The following RANBP2 variants were observed in gnomAD, a reference collection of about 807,000 sequenced individuals.
RANBP2 encodes RAN binding protein 2, also known as E3 SUMO-protein ligase RanBP2.
RANBP2 carries 57 observed loss-of-function variants against 303.6 expected under a neutral mutation model. The ratio of observed to expected loss-of-function variants is 0.19; its 90% confidence interval spans 0.15 to 0.23. RANBP2 has a LOEUF of 0.23. RANBP2 is among the 10% of genes least tolerant of loss of function. The probability of loss-of-function intolerance (pLI) is 1.00; values close to 1 mark genes in which losing one functional copy is unlikely to be tolerated. For missense variants in RANBP2, 3,138 were observed against 3,780.8 expected, an observed-to-expected ratio of 0.83 and a Z score of 4.46; for synonymous variants, 1,167 against 1,301.5, an observed-to-expected ratio of 0.90 and a Z score of 2.23.
chr2:109,388,039 A>G, the RANBP2 span, among the ~76,000 whole-genome samples: 4 of 152,148 alleles, frequency 2.6e-5, no homozygotes, highest in African/African-American at 9.7e-5. Context: ...ACTCCTGTTC[A>G]GCCCTCACAG....
chr2:109,100,383 C>T, the RANBP2 span, among the ~76,000 whole-genome samples: 1 of 152,278 alleles, frequency 6.6e-6, no homozygotes. Context: ...TATAAGAATC[C>T]AATGCCTGAT....
At chr2:109,228,549 A>C in the RANBP2 span, among the ~76,000 whole-genome samples, 2 of 152,070 alleles carry the variant, frequency 1.3e-5, no homozygotes, top group Non-Finnish European at 2.9e-5. Flanking sequence ...GCTAGTATGG[A>C]CCCTGCAGGT....
the RANBP2 span, chr2:109,613,745 C>A: frequency 8.6e-7 from 1 of 1,163,206 alleles, no homozygotes; most frequent in Non-Finnish European, 1.1e-6. Flanking sequence ...GGCGGGAAGT[C>A]CCGCGGGGGC....
At chr2:108,891,351 A>G in the RANBP2 span, among the ~76,000 whole-genome samples, 2 of 152,176 alleles carry the variant, frequency 1.3e-5, no homozygotes, top group Non-Finnish European at 1.5e-5. Context: ...AGATATATCT[A>G]TGGTTTTGGT....
At chr2:109,575,413 GGCAC>G in the RANBP2 span, among the ~76,000 whole-genome samples, 1 of 152,198 alleles carries the variant, frequency 6.6e-6, no homozygotes, top group Admixed American at 6.5e-5. Context: ...TAGTAATGGT[GGCAC>G]GTTTTTATTT....
Position 108,784,050 on chromosome 2 carries a change from T to A in RANBP2, c.*149T>A. 1 of 713,258 alleles carries A rather than the reference T, an allele frequency of 1.4e-6. No individual in the cohort carries two copies. The highest frequency in any genetic ancestry group is 2.3e-6 in the Non-Finnish European group (1 of 437,918). 44.2% of individuals were successfully genotyped at this position (713,258 alleles called of 1,614,324 possible). On this transcript the variant is annotated 3_prime_UTR_variant, in exon 29 of 29. Transcript: ENST00000283195. ...GCAGCTTATAGCTGTTGTCACTTTTTAATGTGTTATAATTGACCTTGCATG... is the reference window on the plus strand; with the variant it reads ...GCAGCTTATAGCTGTTGTCACTTTTAAATGTGTTATAATTGACCTTGCATG...
At chr2:109,431,450 C>G in the RANBP2 span, among the ~76,000 whole-genome samples, 1 of 152,218 alleles carries the variant, frequency 6.6e-6, no homozygotes, top group African/African-American at 2.4e-5. Flanking sequence ...TAAGTATTAT[C>G]CAATCTTTAC....
chr2:109,774,683 C>T, the RANBP2 span, among the ~76,000 whole-genome samples: 12 of 50,512 alleles, frequency 2.4e-4, no homozygotes, highest in Non-Finnish European at 3.1e-4. Context: ...AGGTTTTAGA[C>T]TAGTGGAATT....
rs148449698 is a variant in RANBP2 at position 108,758,462 on chromosome 2, A to T, written c.2516A>T (p.His839Leu). 11 of 1,611,656 alleles carry T rather than the reference A, an allele frequency of 6.8e-6. No homozygotes were observed. The highest frequency in any genetic ancestry group is 9.3e-6 in the Non-Finnish European group (11 of 1,179,842). The change falls in exon 18 of 29, where the codon CAT becomes CTT. Residue 839 changes from histidine (H) to leucine (L), a missense_variant. His to Leu is a moderately conservative substitution (Grantham distance 99). This residue lies in a region of RANBP2 where 194 missense variants were observed against 197.4 expected (regional missense o/e 0.98). Transcript: ENST00000283195. ...AATAGCAGTAACTCAGCATCCCCTCATCGTTGGCCCACAGAGAATTATGGA... is the reference window on the plus strand; with the variant it reads ...AATAGCAGTAACTCAGCATCCCCTCTTCGTTGGCCCACAGAGAATTATGGA... The part of the protein sequence containing the change: ...KLNSSNSASP[H>L]RWPTENYGPD...
At chr2:109,212,123 G>A in the RANBP2 span, among the ~76,000 whole-genome samples, 2 of 152,216 alleles carry the variant, frequency 1.3e-5, no homozygotes, top group Admixed American at 6.5e-5. Context: ...GCCGGGCAAT[G>A]GTCCGAATCG....
the RANBP2 span, among the ~76,000 whole-genome samples, chr2:109,009,699 T>A: frequency 1.0e-4 from 13 of 127,632 alleles, no homozygotes; most frequent in Non-Finnish European, 6.3e-5. Flanking sequence ...CTGACATTTT[T>A]ACCTTTTTTT....
At chr2:109,251,925 CA>C in the RANBP2 span, among the ~76,000 whole-genome samples, 1 of 152,002 alleles carries the variant, frequency 6.6e-6, no homozygotes, top group Admixed American at 6.6e-5. Flanking sequence ...CTTAAATCGG[CA>C]AAAGTACCCC....
chr2:109,194,861 A>G, the RANBP2 span, among the ~76,000 whole-genome samples: 2 of 152,176 alleles, frequency 1.3e-5, no homozygotes, highest in Non-Finnish European at 2.9e-5. Flanking sequence ...GAGAACCCTT[A>G]GCTTGCTACA....
the RANBP2 span, chr2:109,614,068 G>A: frequency 8.2e-7 from 1 of 1,212,500 alleles, no homozygotes; most frequent in African/African-American, 1.6e-5. Context: ...GCCCCTCACA[G>A]GAGCTACCCT....
At chr2:109,294,890 G>A in the RANBP2 span, among the ~76,000 whole-genome samples, 1 of 152,202 alleles carries the variant, frequency 6.6e-6, no homozygotes. Context: ...GAAAGACTTA[G>A]TGAGGAGAGA....
chr2:109,334,913 T>C, the RANBP2 span, among the ~76,000 whole-genome samples: 1 of 152,250 alleles, frequency 6.6e-6, no homozygotes, highest in African/African-American at 2.4e-5. Context: ...TTTTGCTTTT[T>C]AGGCTGGCCT....
chr2:109,361,074 T>C, the RANBP2 span, among the ~76,000 whole-genome samples: 8 of 152,358 alleles, frequency 5.3e-5, no homozygotes, highest in Non-Finnish European at 4.4e-5. Flanking sequence ...CTGTATTTAC[T>C]GATATGAGCA....
chr2:108,781,175 A>G, intron 25 of RANBP2, 94 bp from the exon 26 acceptor site: 1 of 1,218,866 alleles, frequency 8.2e-7, no homozygotes, highest in African/African-American at 1.5e-5. Flanking sequence ...TACATATTAC[A>G]TCATCAGGAA....
chr2:109,004,532 C>A, the RANBP2 span, among the ~76,000 whole-genome samples: 610 of 152,288 alleles, frequency 4.0e-3, 7 homozygotes, highest in African/African-American at 0.014. Flanking sequence ...CAGAGTCCAA[C>A]CATTGGGCAT....
Sources: allele counts gnomAD v4.1 joint callset (sites outside exome capture counted in the v4.1 genomes callset), GRCh38; gene constraint gnomAD v4.1.1; regional missense constraint gnomAD v4.1.1; transcripts MANE v1.5; gene names NCBI Gene and HGNC (gene_info 2026-07-23, HGNC 2026-07-21).